Variants in ZNF385D observed in about 807,000 individuals in gnomAD.
ZNF385D encodes the protein zinc finger protein 385D.
A neutral mutation model predicts 35.8 loss-of-function variants in ZNF385D; 15 were observed. The observed-to-expected ratio is 0.42, with a 90% CI of 0.28 to 0.64. ZNF385D has a LOEUF of 0.64. Among genes scored for constraint, ZNF385D ranks in the 30% least tolerant of loss-of-function variants. The pLI, the probability that ZNF385D is intolerant of heterozygous loss-of-function variation, is 0.23. For missense variants in ZNF385D, 474 were observed against 494.6 expected, an observed-to-expected ratio of 0.96 and a Z score of 0.39; for synonymous variants, 212 against 186.8, an observed-to-expected ratio of 1.13 and a Z score of -1.10.
At chr3:22,323,251 C>T (rs1694526377) in intron 2 of ZNF385D, among the ~76,000 whole-genome samples, 1 of 152,140 alleles carries the variant, frequency 6.6e-6, no homozygotes, top group African/African-American at 2.4e-5. Flanking sequence ...TTTCCAGGAT[C>T]TCTCCCTTCC....
At chr3:22,188,934 G>C (rs1384655980) in intron 2 of ZNF385D, among the ~76,000 whole-genome samples, 2 of 152,116 alleles carry the variant, frequency 1.3e-5, no homozygotes, top group Non-Finnish European at 2.9e-5. Context: ...AATGGAATTA[G>C]AAACAATCCA....
At chr3:21,911,357 T>C (rs1401945853) in intron 3 of ZNF385D, among the ~76,000 whole-genome samples, 1 of 151,984 alleles carries the variant, frequency 6.6e-6, no homozygotes, top group Non-Finnish European at 1.5e-5. Flanking sequence ...AAGTGTTTTG[T>C]AGATCACAGG....
intron 1 of ZNF385D, among the ~76,000 whole-genome samples, chr3:21,711,373 C>CT (rs1036968940): frequency 1.3e-5 from 2 of 152,102 alleles, no homozygotes; most frequent in Non-Finnish European, 2.9e-5. Context: ...AATACGTAAT[C>CT]TTTTTCCCCT....
At chr3:21,881,413 AGCCTGGAT>A (rs1384963428) in intron 3 of ZNF385D, among the ~76,000 whole-genome samples, 11 of 151,938 alleles carry the variant, frequency 7.2e-5, no homozygotes, top group Admixed American at 5.9e-4. Context: ...GAAACAACAA[AGCCTGGAT>A]GACAGCACAT....
intron 3 of ZNF385D, among the ~76,000 whole-genome samples, chr3:21,826,165 T>C (rs1272833419): frequency 6.6e-6 from 1 of 152,162 alleles, no homozygotes; most frequent in East Asian, 1.9e-4. Context: ...ACCTGTGCAT[T>C]TCCAGGAGCA....
chr3:21,473,209 G>A (rs1182647405), intron 4 of ZNF385D, among the ~76,000 whole-genome samples: 1 of 151,986 alleles, frequency 6.6e-6, no homozygotes, highest in African/African-American at 2.4e-5. Flanking sequence ...ACTCTAGTAT[G>A]ATTTGGCTCC....
intron 2 of ZNF385D, among the ~76,000 whole-genome samples, chr3:21,568,159 A>AAAATG (rs2063213142): frequency 6.7e-6 from 1 of 148,204 alleles, no homozygotes; most frequent in Non-Finnish European, 1.5e-5. Flanking sequence ...CTAGTACAAC[A>AAAATG]AAATGTTTTA....
intron 3 of ZNF385D, among the ~76,000 whole-genome samples, chr3:21,923,992 T>A (rs1700602455): frequency 6.6e-6 from 1 of 152,178 alleles, no homozygotes; most frequent in South Asian, 2.1e-4. Flanking sequence ...AAAATGTGAA[T>A]GCTGAAAACT....
intron 3 of ZNF385D, among the ~76,000 whole-genome samples, chr3:21,796,507 C>A (rs2072159015): frequency 1.3e-5 from 2 of 152,244 alleles, no homozygotes; most frequent in South Asian, 4.1e-4. Context: ...TGTAATTCAT[C>A]ACATCAACAA....
intron 2 of ZNF385D, among the ~76,000 whole-genome samples, chr3:22,247,385 A>G (rs1699841770): frequency 6.6e-6 from 1 of 152,110 alleles, no homozygotes; most frequent in Non-Finnish European, 1.5e-5. Flanking sequence ...GATTTTTTAT[A>G]CTATGTGAAA....
chr3:22,299,360 T>C (rs1366475246), intron 2 of ZNF385D, among the ~76,000 whole-genome samples: 1 of 151,808 alleles, frequency 6.6e-6, no homozygotes. Context: ...CTCTAGGCCC[T>C]GAGGAACTTG....
At chr3:22,367,824 A>G (rs565387230) in intron 2 of ZNF385D, among the ~76,000 whole-genome samples, 28 of 152,304 alleles carry the variant, frequency 1.8e-4, no homozygotes, top group African/African-American at 6.5e-4. Context: ...AGATAACAAA[A>G]AAAGTTAACA....
At chr3:21,582,232 A>C (rs1028249329) in intron 2 of ZNF385D, among the ~76,000 whole-genome samples, 1 of 152,150 alleles carries the variant, frequency 6.6e-6, no homozygotes, top group Non-Finnish European at 1.5e-5. Context: ...TCTGAACTCA[A>C]TCTATAAACT....
At position 21,535,856 on chromosome 3, in the gene ZNF385D, C is replaced by CT. The variant is rs148963571; in HGVS notation, c.277-24834dup. On this transcript the variant is annotated intron_variant, in intron 3 of 7. Coordinates refer to ENST00000281523, the MANE Select transcript of ZNF385D (RefSeq NM_024697.3). ...ACTTATTTCTAGGTCTTGCTTTCCT[C>CT]TGATACCATCCCATCGCTAGTCACC... Among the ~76,000 whole-genome samples, 50 of 152,118 alleles carry CT rather than the reference C, an allele frequency of 3.3e-4. 1 individual carries two copies. The highest frequency in any genetic ancestry group is 1.2e-3 in the African/African-American group (50 of 41,554).
At chr3:21,690,238 C>T (rs2067238167) in intron 1 of ZNF385D, among the ~76,000 whole-genome samples, 1 of 151,862 alleles carries the variant, frequency 6.6e-6, no homozygotes, top group African/African-American at 2.4e-5. Context: ...CATACACACA[C>T]ACATATTCAT....
At chr3:22,216,793 C>T (rs190622054) in intron 2 of ZNF385D, among the ~76,000 whole-genome samples, 4 of 152,124 alleles carry the variant, frequency 2.6e-5, no homozygotes, top group African/African-American at 4.8e-5. Flanking sequence ...ACAGAGGTCT[C>T]GTCAATGAAA....
intron 2 of ZNF385D, among the ~76,000 whole-genome samples, chr3:21,653,306 A>G (rs947498711): frequency 2.9e-4 from 44 of 152,186 alleles, no homozygotes; most frequent in African/African-American, 1.0e-3. Flanking sequence ...ATATATGTCT[A>G]TATATGTATA....
chr3:22,168,186 GC>G (rs1398597176), intron 3 of ZNF385D, among the ~76,000 whole-genome samples: 9 of 152,112 alleles, frequency 5.9e-5, no homozygotes, highest in African/African-American at 2.2e-4. Context: ...CTCTGTACGG[GC>G]CCACCCTCCT....
At chr3:21,989,930 T>C (rs1695055298) in intron 3 of ZNF385D, among the ~76,000 whole-genome samples, 1 of 152,212 alleles carries the variant, frequency 6.6e-6, no homozygotes. Flanking sequence ...GTGTGCCTGA[T>C]TTCACACAAA....
Sources: allele counts gnomAD v4.1 joint callset (sites outside exome capture counted in the v4.1 genomes callset), GRCh38; gene constraint gnomAD v4.1.1; transcripts MANE v1.5; gene names NCBI Gene and HGNC (gene_info 2026-07-23, HGNC 2026-07-21).